The following PLCG2 variants were observed in gnomAD, a reference collection of about 807,000 sequenced individuals.
PLCG2 encodes phospholipase C gamma 2.
Under a neutral mutation model 175.6 loss-of-function variants are expected in PLCG2, and 69 were observed. The ratio of observed to expected loss-of-function variants is 0.39; its 90% CI spans 0.32 to 0.48. The LOEUF (loss-of-function observed/expected upper bound fraction) is 0.48, where lower values mean the gene tolerates loss of function less well. PLCG2 is among the 20% of genes least tolerant of loss of function. PLCG2 has a pLI of 0.91. For synonymous variants in PLCG2, 827 were observed against 624.0 expected (o/e 1.33, Z -4.85); for missense variants, 1,798 against 1,650.9 (o/e 1.09, Z -1.54).
intron 2 of PLCG2, among the ~76,000 whole-genome samples, chr16:81,763,270 T>C (rs1306410848): frequency 6.6e-6 from 1 of 152,222 alleles, no homozygotes; most frequent in Non-Finnish European, 1.5e-5. Flanking sequence ...ATAATCTCCC[T>C]GTATCAGTCA....
chr16:81,818,189 G>A (rs1171630629), intron 2 of PLCG2, among the ~76,000 whole-genome samples: 1 of 152,186 alleles, frequency 6.6e-6, no homozygotes, highest in Admixed American at 6.5e-5. Flanking sequence ...TCGGCCCTCT[G>A]TGCCTCAGTT....
intron 2 of PLCG2, among the ~76,000 whole-genome samples, chr16:81,832,232 G>T (rs1370710341): frequency 1.3e-5 from 2 of 152,216 alleles, no homozygotes; most frequent in Non-Finnish European, 2.9e-5. Context: ...GTTAACAGTG[G>T]TAGTGGTCAG....
At chr16:81,837,204 A>C (rs1412073998) in intron 2 of PLCG2, among the ~76,000 whole-genome samples, 2 of 152,242 alleles carry the variant, frequency 1.3e-5, no homozygotes, top group East Asian at 3.8e-4. Flanking sequence ...TTCAGATGGA[A>C]GTCAGAAAAG....
intron 9 of PLCG2, among the ~76,000 whole-genome samples, chr16:81,887,196 C>T (rs1015395833): frequency 1.1e-4 from 17 of 151,984 alleles, no homozygotes; most frequent in South Asian, 8.3e-4. Flanking sequence ...CTCTGCTCAC[C>T]GCAAACTCTG....
chr16:81,781,060 C>T (rs919463705), intron 1 of PLCG2, among the ~76,000 whole-genome samples: 7 of 151,740 alleles, frequency 4.6e-5, no homozygotes, highest in Non-Finnish European at 8.8e-5. Flanking sequence ...CACACACAAA[C>T]ACTTCTTAAT....
At chr16:81,852,944 C>T (rs1182502135) in intron 2 of PLCG2, among the ~76,000 whole-genome samples, 1 of 152,178 alleles carries the variant, frequency 6.6e-6, no homozygotes. Flanking sequence ...ACTTGGGCTT[C>T]TTACAGCATG....
chr16:81,815,722 C>A (rs1020965429), intron 2 of PLCG2, among the ~76,000 whole-genome samples: 1 of 152,138 alleles, frequency 6.6e-6, no homozygotes, highest in Admixed American at 6.5e-5. Context: ...TTCTCGCGGT[C>A]TTCTTGGTGG....
intron 5 of PLCG2, among the ~76,000 whole-genome samples, chr16:81,864,549 C>T (rs1456009553): frequency 6.6e-6 from 1 of 152,154 alleles, no homozygotes; most frequent in African/African-American, 2.4e-5. Context: ...TTTCTGTGGG[C>T]CTCAGTTTCC....
In PLCG2 at chr16:81,929,113, C is replaced by T. The variant is rs1028963434; in HGVS notation, c.2581+489C>T. Among the ~76,000 whole-genome samples the T allele has an allele frequency of 2.6e-5, 4 of 152,228 alleles. No homozygotes were observed. The East Asian group carries it at 7.7e-4, about 29-fold the overall frequency. The stretch of plus-strand genomic sequence containing the variant: ...AGGAAACCCAGCCCGCCCACGTTGA[C>T]CATGCTGCAACGGGATGTGAAGGCG... On this transcript the variant is annotated intron_variant, in intron 24 of 32. Coordinates refer to ENST00000564138, the MANE Select transcript of PLCG2 (RefSeq NM_002661.5).
At chr16:81,903,102 T>G (rs143433272) in intron 14 of PLCG2, among the ~76,000 whole-genome samples, 3 of 152,030 alleles carry the variant, frequency 2.0e-5, no homozygotes, top group Non-Finnish European at 4.4e-5. Flanking sequence ...TACCATTACA[T>G]TGGGGATTAG....
intron 24 of PLCG2, among the ~76,000 whole-genome samples, chr16:81,930,199 A>G (rs6564940): frequency 0.86 from 130,488 of 152,182 alleles, 56,016 homozygotes; most frequent in Admixed American, 0.88. Flanking sequence ...TAAAGATGCA[A>G]TACATGTAAT....
chr16:81,758,141 A>G (rs1909967107), intron 2 of PLCG2, among the ~76,000 whole-genome samples: 1 of 151,900 alleles, frequency 6.6e-6, no homozygotes, highest in African/African-American at 2.4e-5. Flanking sequence ...AGGCCTGGCT[A>G]GATTTTTGTA....
chr16:81,907,244 C>T (rs2143648034), intron 15 of PLCG2, among the ~76,000 whole-genome samples: 1 of 151,818 alleles, frequency 6.6e-6, no homozygotes, highest in South Asian at 2.1e-4. Flanking sequence ...AAACAGTGAC[C>T]AAAGCTAAGA....
chr16:81,797,176 G>T (rs1567469039), intron 2 of PLCG2, among the ~76,000 whole-genome samples: 1 of 152,120 alleles, frequency 6.6e-6, no homozygotes. Flanking sequence ...GGGAATGCAG[G>T]TATATTTGGA....
intron 2 of PLCG2, among the ~76,000 whole-genome samples, chr16:81,846,842 T>A (rs1003426460): frequency 6.6e-6 from 1 of 152,236 alleles, no homozygotes; most frequent in Non-Finnish European, 1.5e-5. Flanking sequence ...TTTTTTTCTC[T>A]TTCTCTTTCC....
At chr16:81,909,452 C>T (rs1193954696) in intron 17 of PLCG2, among the ~76,000 whole-genome samples, 1 of 152,218 alleles carries the variant, frequency 6.6e-6, no homozygotes, top group East Asian at 1.9e-4. Context: ...GGGTCTTGCT[C>T]TGTTGCCTAG....
chr16:81,872,977 C>A (rs74972922), intron 7 of PLCG2, among the ~76,000 whole-genome samples: 2 of 152,244 alleles, frequency 1.3e-5, no homozygotes, highest in African/African-American at 4.8e-5. Context: ...TTGGATGTAT[C>A]TGAGTTAGAG....
At chr16:81,949,546 A>G (rs1378981438) in intron 31 of PLCG2, among the ~76,000 whole-genome samples, 3 of 152,206 alleles carry the variant, frequency 2.0e-5, no homozygotes, top group Non-Finnish European at 1.5e-5. Flanking sequence ...AAGGTATGCA[A>G]TATTTTAGAT....
intron 22 of PLCG2, among the ~76,000 whole-genome samples, chr16:81,924,334 C>A (rs1452635729): frequency 6.6e-6 from 1 of 152,244 alleles, no homozygotes; most frequent in Non-Finnish European, 1.5e-5. Flanking sequence ...GATAACTGGA[C>A]CTGGCTTAGG....
Sources: gnomAD v4.1 joint callset for allele counts (sites outside exome capture counted in the v4.1 genomes callset) on GRCh38, gnomAD v4.1.1 for gene constraint, MANE v1.5 for transcripts, NCBI Gene and HGNC (gene_info 2026-07-23, HGNC 2026-07-21) for gene names.